GPC3: variants seen among roughly 807,000 people sequenced by gnomAD.
GPC3 encodes glypican 3, also known as glypican-3.
In GPC3, 3 loss-of-function variants were observed where a neutral mutation model predicts 34.4. That is an observed-to-expected ratio of 0.09 (90% CI 0.04 to 0.23). GPC3 has a LOEUF of 0.23. Among genes scored for constraint, GPC3 ranks in the 10% least tolerant of loss-of-function variants. The probability of loss-of-function intolerance (pLI) is 1.00; values close to 1 mark genes in which losing one functional copy is unlikely to be tolerated. For missense variants in GPC3, 351 were observed against 445.6 expected (o/e 0.79, Z 1.91); for synonymous variants, 177 against 174.0 (o/e 1.02, Z -0.13).
intron 2 of GPC3, among the ~76,000 whole-genome samples, chrX:133,847,683 A>G (rs1014911340): frequency 8.9e-6 from 1 of 112,085 alleles, no homozygotes; most frequent in Non-Finnish European, 1.9e-5. Context: ...CTGTTTTCCA[A>G]ACTAGAACTA....
At chrX:133,880,308 T>C (rs1349389144) in intron 2 of GPC3, among the ~76,000 whole-genome samples, 1 of 112,109 alleles carries the variant, frequency 8.9e-6, no homozygotes, top group African/African-American at 3.2e-5. Context: ...CATCAACCTA[T>C]TAATATGAGT....
At chrX:133,859,408 G>A (rs1346618960) in intron 2 of GPC3, among the ~76,000 whole-genome samples, 1 of 111,150 alleles carries the variant, frequency 9.0e-6, no homozygotes, top group Admixed American at 9.5e-5. Context: ...CCAGGCTTGG[G>A]GTCTCCCTGG....
intron 2 of GPC3, among the ~76,000 whole-genome samples, chrX:133,860,629 A>G (rs894085580): frequency 3.6e-5 from 4 of 111,948 alleles, no homozygotes; most frequent in African/African-American, 1.3e-4. Context: ...GAGACAGATG[A>G]ACTGATTACT....
chrX:133,541,036 G>A (rs12011806), intron 7 of GPC3, among the ~76,000 whole-genome samples: 4 of 108,782 alleles, frequency 3.7e-5, no homozygotes, highest in Non-Finnish European at 7.6e-5. Context: ...TGGTGGATTA[G>A]GAAAGTAAAA....
intron 4 of GPC3, among the ~76,000 whole-genome samples, chrX:133,693,155 AAGTGTGTGTGTGTGTGTG>A (rs1462805265): frequency 2.6e-4 from 20 of 78,058 alleles, no homozygotes; most frequent in African/African-American, 1.3e-3. Flanking sequence ...ATAATAAGAC[AAGTGTGTGTGTGTGTGTG>A]TGTGTGTGTG....
chrX:133,554,463 C>G (rs1283462490), intron 7 of GPC3, among the ~76,000 whole-genome samples: 1 of 110,603 alleles, frequency 9.0e-6, no homozygotes, highest in Non-Finnish European at 1.9e-5. Context: ...AGTTCTTTGT[C>G]CTGCATTTTA....
intron 2 of GPC3, among the ~76,000 whole-genome samples, chrX:133,908,935 A>C (rs1294998271): frequency 8.9e-6 from 1 of 112,053 alleles, no homozygotes. Flanking sequence ...AGTTCCTACA[A>C]GTTGAGATCA....
At chrX:133,778,826 T>C (rs1211758415) in intron 2 of GPC3, among the ~76,000 whole-genome samples, 3 of 111,828 alleles carry the variant, frequency 2.7e-5, no homozygotes, top group Non-Finnish European at 5.6e-5. Context: ...TGGGGTTATG[T>C]TGCTACCCCA....
chrX:133,794,520 T>TG (rs770535973), intron 2 of GPC3, among the ~76,000 whole-genome samples: 234 of 111,306 alleles, frequency 2.1e-3, no homozygotes, highest in Middle Eastern at 4.7e-3. Flanking sequence ...TGGCTTTGGG[T>TG]GGGGGGGCAC....
At chrX:133,744,826 G>A (rs1014456697) in intron 3 of GPC3, among the ~76,000 whole-genome samples, 8 of 111,863 alleles carry the variant, frequency 7.2e-5, no homozygotes, top group Middle Eastern at 4.2e-3. Context: ...GTAATACTAT[G>A]CAGCCATAAA....
Position 133,682,719 on chromosome X carries a change from C to A in GPC3, c.1292+9650G>T, listed in dbSNP as rs192234000. Among the ~76,000 whole-genome samples the A allele has an allele frequency of 7.1e-3, 791 of 111,694 alleles. 8 individuals are homozygous for A. The highest frequency in any genetic ancestry group is 0.024 in the African/African-American group (738 of 30,681). On this transcript the variant is annotated intron_variant, in intron 5 of 7. Coordinates refer to ENST00000370818, the MANE Select transcript of GPC3 (RefSeq NM_004484.4). ...CGGTGGCTCACGCCTGTAATCCCAG[C>A]ACTTTAGGAAGCCAAGGAGGGCAGA...
rs753284405 is a variant in GPC3, at chrX:133,581,198, C to T, written c.1573+15242G>A. ...GCAGAGGGATTTCAGAGGGAGCCCC[C>T]GAACCTCAACAGGGAATAAGAAGTT... On this transcript the variant is annotated intron_variant, in intron 7 of 7. Transcript: ENST00000370818. Among the ~76,000 whole-genome samples, 3 of 112,031 alleles carry T rather than the reference C, an allele frequency of 2.7e-5. No individual in the cohort carries two copies. In the Admixed American group the frequency reaches 2.8e-4, roughly 11 times the overall value.
intron 2 of GPC3, among the ~76,000 whole-genome samples, chrX:133,925,041 G>A (rs988221212): frequency 2.8e-5 from 3 of 108,524 alleles, no homozygotes; most frequent in Non-Finnish European, 5.7e-5. Flanking sequence ...CCAGCCTGGC[G>A]ACAGAGTGAG....
At chrX:133,822,293 T>C (rs1184569256) in intron 2 of GPC3, among the ~76,000 whole-genome samples, 2 of 111,903 alleles carry the variant, frequency 1.8e-5, no homozygotes, top group Non-Finnish European at 3.8e-5. Context: ...CTTGTATTCA[T>C]GTAACCTTTA....
chrX:133,664,827 A>G (rs888894927), intron 5 of GPC3, among the ~76,000 whole-genome samples: 13 of 109,866 alleles, frequency 1.2e-4, no homozygotes, highest in African/African-American at 4.0e-4. Flanking sequence ...AAAAAAAAAA[A>G]TAGCCGGGCG....
At chrX:133,560,192 C>T (rs2069529466) in intron 7 of GPC3, among the ~76,000 whole-genome samples, 2 of 111,645 alleles carry the variant, frequency 1.8e-5, no homozygotes, top group Admixed American at 9.5e-5. Flanking sequence ...GGTGTAGCTG[C>T]TCTTCAAATG....
intron 2 of GPC3, among the ~76,000 whole-genome samples, chrX:133,846,305 T>C (rs929285796): frequency 5.4e-5 from 6 of 111,989 alleles, no homozygotes; most frequent in African/African-American, 1.3e-4. Context: ...CTGACACATA[T>C]GGAAATAATC....
intron 7 of GPC3, among the ~76,000 whole-genome samples, chrX:133,566,629 G>A (rs150717033): frequency 5.9e-4 from 66 of 111,515 alleles, no homozygotes; most frequent in African/African-American, 2.1e-3. Context: ...TAACATACAT[G>A]TATACCTGCA....
chrX:133,760,901 G>A (rs1339002808), intron 2 of GPC3, among the ~76,000 whole-genome samples: 1 of 111,303 alleles, frequency 9.0e-6, no homozygotes, highest in Non-Finnish European at 1.9e-5. Flanking sequence ...CAGAAACTCT[G>A]TACTAACTGC....
Sources: gnomAD v4.1 joint callset for allele counts (sites outside exome capture counted in the v4.1 genomes callset) on GRCh38, gnomAD v4.1.1 for gene constraint, MANE v1.5 for transcripts, NCBI Gene and HGNC (gene_info 2026-07-23, HGNC 2026-07-21) for gene names.